Variants in XPR1 observed in about 807,000 individuals in gnomAD.
The protein encoded by XPR1 is xenotropic and polytropic retrovirus receptor 1, also known as solute carrier family 53 member 1.
Under a neutral mutation model 87.5 loss-of-function variants are expected in XPR1, and 28 were observed. The observed-to-expected ratio is 0.32, with a 90% confidence interval of 0.24 to 0.44. The LOEUF (loss-of-function observed/expected upper bound fraction) is 0.44. Ranked by LOEUF, XPR1 falls within the 20% of genes least tolerant of loss-of-function variation. The pLI, the probability that XPR1 is intolerant of heterozygous loss-of-function variation, is 1.00. For missense variants in XPR1, 559 were observed against 862.3 expected (o/e 0.65, Z 4.41); for synonymous variants, 300 against 306.1 (o/e 0.98, Z 0.21).
At chr1:180,832,622 C>T (rs1169130537) in intron 9 of XPR1, among the ~76,000 whole-genome samples, 1 of 152,162 alleles carries the variant, frequency 6.6e-6, no homozygotes, top group Non-Finnish European at 1.5e-5. Context: ...CCCAGTTTTT[C>T]CAACACCATT....
intron 2 of XPR1, among the ~76,000 whole-genome samples, chr1:180,710,753 T>C (rs960789754): frequency 6.6e-6 from 1 of 152,060 alleles, no homozygotes; most frequent in Non-Finnish European, 1.5e-5. Flanking sequence ...GCAGAGGGTC[T>C]CCTCACTTCC....
At position 180,800,387 on chromosome 1, in the gene XPR1, G is replaced by T. The variant is rs1230749587; in HGVS notation, c.224-3001G>T. On this transcript the variant is annotated intron_variant, in intron 3 of 14. Transcript: ENST00000367590. ...CTCCATTGCTGACTTTGAAGATAGG[G>T]TTAAGAGTAGTCTCGAAGAGCTAAA... Among the ~76,000 whole-genome samples the T allele has an allele frequency of 3.3e-5, 5 of 152,358 alleles. No individual in the cohort carries two copies. The East Asian group carries it at 9.6e-4, about 29-fold the overall frequency.
At chr1:180,686,966 A>C (rs534898319) in intron 2 of XPR1, among the ~76,000 whole-genome samples, 1 of 152,262 alleles carries the variant, frequency 6.6e-6, no homozygotes, top group African/African-American at 2.4e-5. Context: ...TGAATTTTAG[A>C]CTATAATATA....
At chr1:180,661,869 T>G (rs573800290) in intron 1 of XPR1, among the ~76,000 whole-genome samples, 4 of 152,114 alleles carry the variant, frequency 2.6e-5, no homozygotes, top group Non-Finnish European at 4.4e-5. Context: ...AATGAGACTC[T>G]GTCTCAAAAA....
chr1:180,656,443 AAATATTTAT>A (rs1655490771), intron 1 of XPR1, among the ~76,000 whole-genome samples: 3 of 5,470 alleles, frequency 5.5e-4, no homozygotes, highest in Non-Finnish European at 1.2e-3. Context: ...ATTTATATAT[AAATATTTAT>A]ATATTTATAT....
intron 2 of XPR1, among the ~76,000 whole-genome samples, chr1:180,744,650 C>CTCTTTTTTT (rs1553243737): frequency 1.9e-4 from 11 of 56,946 alleles, no homozygotes; most frequent in African/African-American, 5.8e-4. Context: ...GGCACAATTT[C>CTCTTTTTTT]TTTCTTTTTT....
intron 2 of XPR1, among the ~76,000 whole-genome samples, chr1:180,743,179 T>A (rs1029786322): frequency 6.6e-6 from 1 of 151,792 alleles, no homozygotes; most frequent in African/African-American, 2.4e-5. Flanking sequence ...TATTATTATT[T>A]TTTTGCTTTT....
chr1:180,835,108 G>A (rs1407712291), intron 10 of XPR1, 63 bp downstream of exon 10: 2 of 1,504,930 alleles, frequency 1.3e-6, no homozygotes, highest in East Asian at 2.3e-5. Context: ...ATATTGGGAA[G>A]GATAAATGAG....
At chr1:180,632,370 C>T in intron 1 of XPR1, 100 bp downstream of exon 1, 4 of 1,461,104 alleles carry the variant, frequency 2.7e-6, no homozygotes, top group Non-Finnish European at 3.8e-6. Flanking sequence ...TCCCTGTGCC[C>T]GGGCAGACTT....
intron 1 of XPR1, 123 bp downstream of exon 1, chr1:180,632,393 G>T: frequency 7.6e-7 from 1 of 1,313,854 alleles, no homozygotes; most frequent in Non-Finnish European, 1.1e-6. Flanking sequence ...ACCCGCTGCC[G>T]CGGGGAGCCA....
At chr1:180,696,544 T>C (rs10914072) in intron 2 of XPR1, among the ~76,000 whole-genome samples, 6,502 of 152,048 alleles carry the variant, frequency 0.043, 497 homozygotes, top group African/African-American at 0.15. Flanking sequence ...ATGGTGAAAG[T>C]GGGCAAGAAT....
chr1:180,680,109 CAAAT>C (rs1026997430), intron 1 of XPR1, among the ~76,000 whole-genome samples: 8 of 151,658 alleles, frequency 5.3e-5, no homozygotes, highest in Non-Finnish European at 1.0e-4. Context: ...AAGTGGCTAA[CAAAT>C]AAAGAAAATG....
At chr1:180,647,963 A>G (rs1655175703) in intron 1 of XPR1, among the ~76,000 whole-genome samples, 1 of 148,212 alleles carries the variant, frequency 6.7e-6, no homozygotes, top group Non-Finnish European at 1.5e-5. Flanking sequence ...TCTGCAGTGT[A>G]GGTGTTCTAT....
At chr1:180,795,532 G>A (rs958674607) in intron 3 of XPR1, among the ~76,000 whole-genome samples, 7 of 152,132 alleles carry the variant, frequency 4.6e-5, no homozygotes, top group African/African-American at 1.7e-4. Flanking sequence ...TAGAAATACT[G>A]TGTGTAATAT....
chr1:180,681,899 G>A (rs996032881), intron 1 of XPR1, among the ~76,000 whole-genome samples: 5 of 152,126 alleles, frequency 3.3e-5, no homozygotes, highest in African/African-American at 1.2e-4. Flanking sequence ...CAATGTGAAT[G>A]TACTTAACAC....
intron 2 of XPR1, among the ~76,000 whole-genome samples, chr1:180,779,034 T>C (rs1318214798): frequency 1.3e-5 from 2 of 152,194 alleles, no homozygotes; most frequent in East Asian, 3.9e-4. Flanking sequence ...TTCAGTTCTT[T>C]AGGCATCTCA....
In XPR1 at chr1:180,836,632, G is replaced by T; in HGVS notation, c.1417G>T (p.Ala473Ser). The T allele has an allele frequency of 6.2e-7, 1 of 1,614,112 alleles. No homozygotes were observed. Among genetic ancestry groups the T allele is most frequent in the Non-Finnish European group, 8.5e-7 (1 of 1,180,028 alleles). Reference sequence around the variant, plus strand: ...GCGCCGATATCGAGACACAAAAAGGGCCTTTCCTCATTTAGTTAATGCTGG... The same window carrying T: ...GCGCCGATATCGAGACACAAAAAGGTCCTTTCCTCATTTAGTTAATGCTGG... ...CLRRYRDTKR[A>S]FPHLVNAGKY... Residue 473 changes from alanine to serine, a missense_variant, in exon 11 of 15, where the codon GCC (alanine) becomes TCC (serine). By Grantham distance (99) the Ala-to-Ser change is moderately conservative. This residue lies in a region of XPR1 where 264 missense variants were observed against 377.2 expected (regional missense o/e 0.70). Transcript: ENST00000367590.
intron 2 of XPR1, among the ~76,000 whole-genome samples, chr1:180,764,215 C>G (rs552932621): frequency 6.6e-6 from 1 of 151,984 alleles, no homozygotes; most frequent in African/African-American, 2.4e-5. Context: ...CTGTTTAATG[C>G]GCAAAATTAT....
chr1:180,692,438 A>G (rs1262314323), intron 2 of XPR1, among the ~76,000 whole-genome samples: 1 of 152,176 alleles, frequency 6.6e-6, no homozygotes, highest in Non-Finnish European at 1.5e-5. Context: ...TTTATTCTTC[A>G]TTAACTCCCT....
Sources: gnomAD v4.1 joint callset for allele counts (sites outside exome capture counted in the v4.1 genomes callset) on GRCh38, gnomAD v4.1.1 for gene constraint, gnomAD v4.1.1 regional missense constraint, MANE v1.5 for transcripts, NCBI Gene and HGNC (gene_info 2026-07-23, HGNC 2026-07-21) for gene names.